Variants in DLG5 observed in about 807,000 individuals in gnomAD.
The protein encoded by DLG5 is discs large MAGUK scaffold protein 5, also known as disks large homolog 5.
In DLG5, 48 loss-of-function variants were observed where a neutral mutation model predicts 189.8. The ratio of observed to expected loss-of-function variants is 0.25; its 90% CI spans 0.20 to 0.32. The LOEUF (loss-of-function observed/expected upper bound fraction) is 0.32, where lower values mean the gene tolerates loss of function less well. Ranked by LOEUF, DLG5 falls within the 10% of genes least tolerant of loss-of-function variation. The pLI is 1.00. For missense variants in DLG5, 2,160 were observed against 2,544.7 expected (o/e 0.85, Z 3.25); for synonymous variants, 1,016 against 1,054.1 (o/e 0.96, Z 0.70).
At chr10:77,892,693 C>T (rs1389082881) in intron 1 of DLG5, among the ~76,000 whole-genome samples, 1 of 152,210 alleles carries the variant, frequency 6.6e-6, no homozygotes, top group East Asian at 1.9e-4. Context: ...GTACCTTCAT[C>T]TCTGCTGCCC....
intron 1 of DLG5, among the ~76,000 whole-genome samples, chr10:77,894,517 T>A (rs1845701087): frequency 6.6e-6 from 1 of 151,494 alleles, no homozygotes; most frequent in Non-Finnish European, 1.5e-5. Flanking sequence ...TGAATGTGCA[T>A]GCTTTATTGT....
intron 1 of DLG5, among the ~76,000 whole-genome samples, chr10:77,900,695 G>A (rs1272037614): frequency 6.6e-6 from 1 of 152,178 alleles, no homozygotes; most frequent in Non-Finnish European, 1.5e-5. Context: ...CCAGCACTTT[G>A]GGAGGCCGAG....
intron 2 of DLG5, chr10:77,867,789 G>A (rs1484698867): frequency 5.4e-6 from 2 of 370,540 alleles, no homozygotes; most frequent in Admixed American, 3.4e-5. Context: ...GGGGAGTCCC[G>A]AGAGGGACAC....
intron 3 of DLG5, among the ~76,000 whole-genome samples, chr10:77,856,269 T>C (rs776852901): frequency 3.9e-5 from 6 of 152,286 alleles, no homozygotes; most frequent in Non-Finnish European, 8.8e-5. Context: ...GGAGGTTCAC[T>C]TGAGCCGGGG....
At position 77,869,075 on chromosome 10, in the gene DLG5, C is replaced by CTTTCT; in HGVS notation, c.373+53_373+54insAGAAA. The CTTTCT allele has an allele frequency of 3.9e-6, 6 of 1,525,846 alleles. No individual in the cohort carries two copies. The Admixed American group carries it at 6.7e-5, about 17-fold the overall frequency. The allele number at this position is 1,525,846 out of a possible 1,614,324, so 94.5% of individuals were successfully genotyped here. On this transcript the variant is annotated intron_variant, in intron 2 of 31. Coordinates refer to ENST00000372391, the MANE Select transcript of DLG5 (RefSeq NM_004747.4). ...CTCCCATGAACCCCAGCTGCCTTGG[C>CTTTCT]TTTCACCCAGACCCCTGGCCCACCC...
chr10:77,811,115 G>T lies in DLG5; in HGVS notation c.4442C>A (p.Pro1481Gln), dbSNP rs2289310. The change falls in exon 23 of 32, where the codon CCA (proline) becomes CAA (glutamine). Residue 1481 changes from proline (P) to glutamine (Q), a missense_variant. By Grantham distance (76) the Pro-to-Gln change is moderately conservative (BLOSUM62 -1). Coordinates refer to ENST00000372391, the MANE Select transcript of DLG5 (RefSeq NM_004747.4). ...TGACCTGGAGCTGCTCTGCTTGGCTGGGGGGGTGCTAGGCCCCTCGTCCTG... is the reference window on the plus strand; with the variant it reads ...TGACCTGGAGCTGCTCTGCTTGGCTTGGGGGGTGCTAGGCCCCTCGTCCTG... ...MEQDEGPSTPPAKQSSSRIAG... is the reference protein window; with the variant it reads ...MEQDEGPSTPQAKQSSSRIAG... 69,866 of 1,610,818 alleles carry T rather than the reference G, an allele frequency of 0.043. 2,215 individuals carry two copies. Among genetic ancestry groups the T allele is most frequent in the East Asian group, 0.18 (7,874 of 44,782 alleles).
At chr10:77,875,877 G>T (rs1210822391) in intron 1 of DLG5, among the ~76,000 whole-genome samples, 2 of 151,792 alleles carry the variant, frequency 1.3e-5, no homozygotes, top group Non-Finnish European at 1.5e-5. Context: ...TAGGGGCTCG[G>T]CCTCCTACCC....
chr10:77,859,881 G>A lies in DLG5; in HGVS notation c.374-2989C>T, dbSNP rs549704989. Among the ~76,000 whole-genome samples the A allele has an allele frequency of 9.5e-4, 145 of 152,246 alleles. 1 individual carries two copies. The highest frequency in any genetic ancestry group is 3.1e-3 in the African/African-American group (127 of 41,554). The stretch of plus-strand genomic sequence containing the variant: ...CCAAAGGGGTCTCCTCTGCAGCTTC[G>A]AAGTCTTCCCACACCTTTCCACCAA... On this transcript the variant is annotated intron_variant, in intron 2 of 31. Coordinates refer to ENST00000372391, the MANE Select transcript of DLG5 (RefSeq NM_004747.4).
At chr10:77,934,860 G>GTTTTTT in the DLG5 span, among the ~76,000 whole-genome samples, 1 of 137,362 alleles carries the variant, frequency 7.3e-6, no homozygotes, top group African/African-American at 2.7e-5. Context: ...TTGTTTTTTT[G>GTTTTTT]TTTTTTTTTT....
intron 1 of DLG5, among the ~76,000 whole-genome samples, chr10:77,910,081 G>C (rs1846175265): frequency 1.3e-5 from 2 of 152,154 alleles, no homozygotes; most frequent in Admixed American, 6.5e-5. Context: ...ACTCAATTTA[G>C]ATATCACGTC....
At chr10:77,930,935 T>C (rs1846781006), upstream of DLG5, among the ~76,000 whole-genome samples, 1 of 149,718 alleles carries the variant, frequency 6.7e-6, no homozygotes, top group African/African-American at 2.5e-5. Flanking sequence ...ATTCTCCTGC[T>C]TCAGCCTCCT....
At chr10:77,903,363 G>A (rs984659892) in intron 1 of DLG5, among the ~76,000 whole-genome samples, 3 of 152,078 alleles carry the variant, frequency 2.0e-5, no homozygotes, top group Non-Finnish European at 4.4e-5. Context: ...GGGAGGCAGA[G>A]GTTGCAGTGA....
chr10:77,905,129 C>CAA (rs796601165), intron 1 of DLG5, among the ~76,000 whole-genome samples: 12 of 72,452 alleles, frequency 1.7e-4, no homozygotes, highest in East Asian at 4.2e-4. Context: ...GACTTCATCT[C>CAA]AAAAAAAAAA....
intron 13 of DLG5, among the ~76,000 whole-genome samples, chr10:77,826,813 T>C (rs1353396742): frequency 6.6e-6 from 1 of 152,054 alleles, no homozygotes; most frequent in African/African-American, 2.4e-5. Flanking sequence ...CTGGGTGTGG[T>C]GGCGCATGCC....
Position 77,792,306 on chromosome 10 carries a change from T to C in DLG5, c.*134A>G. ...GCCCTCTGTCTACAAAGGAGGTGCTTCTGGGTCCTGGTTCCGGATCCTTCC... is the reference window on the plus strand; with the variant it reads ...GCCCTCTGTCTACAAAGGAGGTGCTCCTGGGTCCTGGTTCCGGATCCTTCC... On this transcript the variant is annotated 3_prime_UTR_variant, in exon 32 of 32. Transcript: ENST00000372391. 1 of 882,172 alleles carries C rather than the reference T, an allele frequency of 1.1e-6. No individual in the cohort carries two copies. Among genetic ancestry groups the C allele is most frequent in the East Asian group, 2.4e-5 (1 of 41,020 alleles). The allele number at this position is 882,172 out of a possible 1,614,324, so 54.6% of individuals were successfully genotyped here. A position where few individuals can be genotyped will look rare whatever the true frequency, so the allele number is the denominator to read the frequency against.
At chr10:77,793,879 A>G in intron 31 of DLG5, 129 bp downstream of exon 31, 3 of 757,536 alleles carry the variant, frequency 4.0e-6, no homozygotes, top group Admixed American at 4.3e-5. Flanking sequence ...CTTGTCAGGA[A>G]CGTGCTCATG....
At chr10:77,938,067 C>G in the DLG5 span, among the ~76,000 whole-genome samples, 1 of 151,976 alleles carries the variant, frequency 6.6e-6, no homozygotes, top group African/African-American at 2.4e-5. Flanking sequence ...CTGCTTTCTA[C>G]TAGACTCTAA....
At chr10:77,897,044 GA>G (rs954330595) in intron 1 of DLG5, among the ~76,000 whole-genome samples, 8 of 150,050 alleles carry the variant, frequency 5.3e-5, no homozygotes, top group African/African-American at 1.5e-4. Context: ...CTTACTGCAG[GA>G]AAAAAAAATA....
In DLG5 at chr10:77,841,876, C is replaced by T. The variant is rs773777463; in HGVS notation, c.1437+5G>A. 6.2e-7 allele frequency: 1 copy of T among 1,604,008 alleles called. No homozygotes were observed. Among genetic ancestry groups the T allele is most frequent in the Non-Finnish European group, 8.5e-7 (1 of 1,173,466 alleles). On this transcript the variant is annotated splice_donor_5th_base_variant and intron_variant, in intron 7 of 31. Coordinates refer to ENST00000372391, the MANE Select transcript of DLG5 (RefSeq NM_004747.4). ...TGAAAGCCAGCCACCGGCCCACCCA[C>T]CTACCTGCCGCAGCGCCTCCATCTC...
Sources: gnomAD v4.1 joint callset for allele counts (sites outside exome capture counted in the v4.1 genomes callset) on GRCh38, gnomAD v4.1.1 for gene constraint, MANE v1.5 for transcripts, NCBI Gene and HGNC (gene_info 2026-07-23, HGNC 2026-07-21) for gene names.